TRAP1: variants seen among roughly 807,000 people sequenced by gnomAD.
The protein encoded by TRAP1 is TNF receptor associated protein 1, also known as heat shock protein 75 kDa, mitochondrial.
A neutral mutation model predicts 89.1 loss-of-function variants in TRAP1; 102 were observed. The observed-to-expected ratio is 1.15, with a 90% confidence interval of 0.98 to 1.35. The LOEUF (loss-of-function observed/expected upper bound fraction) is 1.35. Ranked by LOEUF, TRAP1 falls within the 40% of genes most tolerant of loss-of-function variation. TRAP1 has a pLI of 0.00. For synonymous variants in TRAP1, 508 were observed against 388.0 expected, an observed-to-expected ratio of 1.31 and a Z score of -3.64; for missense variants, 1,256 against 945.3, an observed-to-expected ratio of 1.33 and a Z score of -4.31.
At chr16:3,712,246 G>A (rs374202780) in intron 1 of TRAP1, among the ~76,000 whole-genome samples, 2 of 125,292 alleles carry the variant, frequency 1.6e-5, no homozygotes, top group East Asian at 2.6e-4. Context: ...CTGAGGTCAT[G>A]CCACTGCACT....
intron 12 of TRAP1, 39 bp from the exon 13 acceptor site, chr16:3,664,498 CA>C: frequency 6.4e-7 from 1 of 1,573,440 alleles, no homozygotes; most frequent in Non-Finnish European, 8.6e-7. Flanking sequence ...ATTCCAGGCC[CA>C]TGGGCTCAAT....
chr16:3,702,147 C>CA (rs1206137842), intron 1 of TRAP1, among the ~76,000 whole-genome samples: 2 of 151,888 alleles, frequency 1.3e-5, no homozygotes, highest in African/African-American at 4.8e-5. Flanking sequence ...ATGAGGCTGT[C>CA]ACAAAAGTGC....
intron 8 of TRAP1, 123 bp from the exon 9 acceptor site, chr16:3,674,617 G>T: frequency 8.1e-7 from 1 of 1,239,416 alleles, no homozygotes; most frequent in Non-Finnish European, 1.1e-6. Flanking sequence ...ACGGGCGGTG[G>T]TCTCAGGCGT....
chr16:3,691,187 G>A (rs12444903), intron 1 of TRAP1: 1 of 413,920 alleles, frequency 2.4e-6, no homozygotes, highest in Non-Finnish European at 4.2e-6. Context: ...TGTCATCAGT[G>A]TAAGATACTG....
At position 3,717,497 on chromosome 16, in the gene TRAP1, C is replaced by A. The variant is rs1349402452; in HGVS notation, c.12G>T (p.Glu4Asp). 7.4e-7 allele frequency: 1 copy of A among 1,349,184 alleles called. No homozygotes were observed. 83.6% of individuals were successfully genotyped at this position (1,349,184 alleles called of 1,614,324 possible). MARELRALLLWGRR... is the reference protein window; with the variant it reads MARDLRALLLWGRR... ...GGCCCCACAGCAGCAGCGCCCGCAG[C>A]TCGCGCGCCATGTCGTACTCCCAGA... Residue 4 changes from glutamate (E) to aspartate (D), a missense_variant, in exon 1 of 18, where the codon GAG becomes GAT. Coordinates refer to ENST00000246957, the MANE Select transcript of TRAP1 (RefSeq NM_016292.3).
chr16:3,687,863 C>CAAAAAAAAAAAAAAAAAA, intron 3 of TRAP1, among the ~76,000 whole-genome samples: 1 of 112,388 alleles, frequency 8.9e-6, no homozygotes, highest in Middle Eastern at 5.1e-3. Context: ...ATTAAAAAAC[C>CAAAAAAAAAAAAAAAAAA]AAAAAAAAAA....
At chr16:3,679,993 G>T in intron 4 of TRAP1, 1 of 546,352 alleles carries the variant, frequency 1.8e-6, no homozygotes, top group South Asian at 2.1e-5. Context: ...ACTATGGGAG[G>T]CCAAGGCAGG....
chr16:3,669,548 G>T (rs923040109), intron 11 of TRAP1, among the ~76,000 whole-genome samples: 3 of 152,032 alleles, frequency 2.0e-5, no homozygotes, highest in Admixed American at 6.6e-5. Context: ...AAAGATTTCA[G>T]AACAGGCCAG....
chr16:3,714,353 C>T (rs915522283), intron 1 of TRAP1, among the ~76,000 whole-genome samples: 1 of 152,200 alleles, frequency 6.6e-6, no homozygotes, highest in Admixed American at 6.5e-5. Flanking sequence ...TCCTAGCCCA[C>T]CCCTCACAGA....
intron 1 of TRAP1, among the ~76,000 whole-genome samples, chr16:3,714,671 A>G (rs953787683): frequency 2.6e-5 from 4 of 152,114 alleles, no homozygotes; most frequent in African/African-American, 9.7e-5. Flanking sequence ...AAAAAATCAA[A>G]TAAGATATTC....
chr16:3,671,694 G>A (rs748346368), intron 11 of TRAP1, 28 bp downstream of exon 11: 4 of 1,608,926 alleles, frequency 2.5e-6, no homozygotes, highest in Middle Eastern at 3.3e-4. Context: ...TCCCCAGCAG[G>A]GTCCTCTCCC....
intron 11 of TRAP1, among the ~76,000 whole-genome samples, chr16:3,666,703 C>G (rs951078258): frequency 2.0e-5 from 3 of 152,080 alleles, no homozygotes; most frequent in Non-Finnish European, 2.9e-5. Flanking sequence ...TCTACATGTA[C>G]ATAACAATTT....
intron 11 of TRAP1, among the ~76,000 whole-genome samples, chr16:3,670,376 C>T (rs895246395): frequency 1.7e-5 from 1 of 58,508 alleles, no homozygotes; most frequent in Non-Finnish European, 2.8e-5. Flanking sequence ...GAGCAAGACT[C>T]CGTCTCAAAA....
At chr16:3,700,586 C>T (rs564257133) in intron 1 of TRAP1, among the ~76,000 whole-genome samples, 8 of 152,276 alleles carry the variant, frequency 5.3e-5, no homozygotes, top group South Asian at 4.1e-4. Flanking sequence ...GGGCCTCAGC[C>T]GCCCGAGTAG....
rs569922957 is a variant in TRAP1 at position 3,699,201 on chromosome 16, G to C, written c.89-8216C>G. ...CCACTCTGCAGCTGCAGTCTCAGTA[G>C]CTGGGACTCCTTCCCATCCGAGTTG... On this transcript the variant is annotated intron_variant, in intron 1 of 17. Transcript: ENST00000246957. Among the ~76,000 whole-genome samples the C allele has an allele frequency of 2.6e-5, 4 of 152,214 alleles. No homozygotes were observed. The South Asian group carries it at 8.3e-4, about 32-fold the overall frequency.
At chr16:3,660,600 C>T (rs1172514860) in intron 16 of TRAP1, 1 of 152,254 alleles carries the variant, frequency 6.6e-6, no homozygotes, top group Non-Finnish European at 1.5e-5. Flanking sequence ...GAGGCACAGG[C>T]ATTCTGCATA....
chr16:3,692,974 T>C (rs2051236853), intron 1 of TRAP1, among the ~76,000 whole-genome samples: 1 of 151,652 alleles, frequency 6.6e-6, no homozygotes, highest in African/African-American at 2.4e-5. Context: ...TTGTTTTTTT[T>C]TGAGATGGAG....
At chr16:3,664,018 G>A (rs867773507) in intron 13 of TRAP1, 8 of 412,588 alleles carry the variant, frequency 1.9e-5, no homozygotes, top group Middle Eastern at 1.3e-3. Context: ...AGCCGAGATC[G>A]CACCACTGCA....
chr16:3,679,067 C>T (rs1396729884), intron 5 of TRAP1, among the ~76,000 whole-genome samples: 1 of 152,088 alleles, frequency 6.6e-6, no homozygotes, highest in Non-Finnish European at 1.5e-5. Context: ...CCTGTAGTCA[C>T]GCCTCAGGAG....
Sources: allele counts gnomAD v4.1 joint callset (sites outside exome capture counted in the v4.1 genomes callset), GRCh38; gene constraint gnomAD v4.1.1; transcripts MANE v1.5; gene names NCBI Gene and HGNC (gene_info 2026-07-23, HGNC 2026-07-21).